SH3TC1: variants seen among roughly 807,000 people sequenced by gnomAD.
The protein encoded by SH3TC1 is SH3 domain and tetratricopeptide repeats 1.
In SH3TC1, 135 loss-of-function variants were observed where a neutral mutation model predicts 117.3. The ratio of observed to expected loss-of-function variants is 1.15; its 90% CI spans 1.00 to 1.33. The LOEUF is 1.33. Among genes scored for constraint, SH3TC1 ranks in the 40% most tolerant of loss-of-function variants. SH3TC1 has a pLI of 0.00. For missense variants in SH3TC1, 2,092 were observed against 1,794.3 expected (o/e 1.17, Z -3.00); for synonymous variants, 898 against 816.9 (o/e 1.10, Z -1.69).
upstream of SH3TC1, among the ~76,000 whole-genome samples, chr4:8,198,899 G>T (rs1717655706): frequency 6.6e-6 from 1 of 152,230 alleles, no homozygotes; most frequent in African/African-American, 2.4e-5. Context: ...GTGTCTGCAT[G>T]CACATGCGTG....
chr4:8,233,196 T>G, intron 13 of SH3TC1, 167 bp from the exon 14 acceptor site: 1 of 1,405,882 alleles, frequency 7.1e-7, no homozygotes, highest in Non-Finnish European at 9.2e-7. Flanking sequence ...TTGCCGTGTG[T>G]GTTCAACCCC....
chr4:8,183,737 A>G lies in SH3TC1; in HGVS notation c.-57+1527A>G, dbSNP rs1480690942. On this transcript the variant is annotated intron_variant, in intron 1 of 16. Coordinates refer to the SH3TC1 transcript ENST00000508641. This position sits in a 1 kb window ranked among gnomAD's most constrained non-coding sequence, Gnocchi z 5.4. The stretch of plus-strand genomic sequence containing the variant: ...CTCACCTTGGTATGGTACATTTGTC[A>G]TAACTAATGAGCCAATACCACCAAT... 2.0e-5 allele frequency among the ~76,000 whole-genome samples: 3 copies of G among 152,172 alleles called. No individual in the cohort carries two copies. The highest frequency in any genetic ancestry group is 2.1e-4 in the South Asian group (1 of 4,832).
intron 17 of SH3TC1, among the ~76,000 whole-genome samples, chr4:8,238,866 C>G (rs1722066416): frequency 6.6e-6 from 1 of 152,148 alleles, no homozygotes; most frequent in Non-Finnish European, 1.5e-5. Context: ...TGGCTGGGGT[C>G]AAGGGGCACA....
chr4:8,193,136 C>T (rs976138594), intron 1 of SH3TC1, among the ~76,000 whole-genome samples: 4 of 152,228 alleles, frequency 2.6e-5, no homozygotes, highest in Admixed American at 2.0e-4. Context: ...AAGCCAAATA[C>T]GCATCCCCCG....
At position 8,183,229 on chromosome 4, in the gene SH3TC1, C is replaced by T. The variant is rs930550093; in HGVS notation, c.-57+1019C>T. On this transcript the variant is annotated intron_variant, in intron 1 of 16. Coordinates refer to the SH3TC1 transcript ENST00000508641. This position sits in a 1 kb window ranked among gnomAD's most constrained non-coding sequence, Gnocchi z 5.4. Reference sequence around the variant, plus strand: ...GAGTTCTGTTCACTACGAAGGAGCCCGTCCTCATCCTCCCCCTCGTTTACA... The same window carrying T: ...GAGTTCTGTTCACTACGAAGGAGCCTGTCCTCATCCTCCCCCTCGTTTACA... Among the ~76,000 whole-genome samples the T allele has an allele frequency of 5.9e-4, 90 of 152,224 alleles. No individual in the cohort carries two copies. The highest frequency in any genetic ancestry group is 2.1e-3 in the African/African-American group (88 of 41,450).
chr4:8,182,104 G>T (rs920074016), exon 1 of SH3TC1: 5 of 152,432 alleles, frequency 3.3e-5, no homozygotes, highest in Non-Finnish European at 5.9e-5. Flanking sequence ...CCTGGACAGG[G>T]TGCTGGGCTG....
Position 8,241,090 on chromosome 4 carries a change from T to A in SH3TC1, c.*135T>A. 1.5e-6 allele frequency: 2 copies of A among 1,297,150 alleles called. No homozygotes were observed. Among genetic ancestry groups the A allele is most frequent in the Non-Finnish European group, 2.1e-6 (2 of 969,230 alleles). The allele number at this position is 1,297,150 out of a possible 1,614,324, so 80.4% of individuals were successfully genotyped here. A position where few individuals can be genotyped will look rare whatever the true frequency, so the allele number is the denominator to read the frequency against. On this transcript the variant is annotated 3_prime_UTR_variant, in exon 18 of 18. Coordinates refer to ENST00000245105, the MANE Select transcript of SH3TC1 (RefSeq NM_018986.5). ...AAATAGCAATAAATGGGTTTTGTTT[T>A]TTTTTTGCAATAACTTATTGAAGTC... is the stretch of plus-strand genomic sequence containing the variant.
intron 9 of SH3TC1, among the ~76,000 whole-genome samples, chr4:8,222,118 C>G (rs1719974148): frequency 1.3e-5 from 2 of 152,078 alleles, no homozygotes; most frequent in South Asian, 4.1e-4. Context: ...GTTGGGCACT[C>G]TGGGGAGCAC....
At chr4:8,231,662 G>C (rs1024721981) in intron 12 of SH3TC1, 1 of 385,482 alleles carries the variant, frequency 2.6e-6, no homozygotes, top group Admixed American at 4.3e-5. Context: ...TTGTGTCCCT[G>C]GCCTCGTCAG....
At chr4:8,231,861 G>A in intron 12 of SH3TC1, 115 bp from the exon 13 acceptor site, 3 of 1,253,398 alleles carry the variant, frequency 2.4e-6, no homozygotes, top group South Asian at 2.8e-5. Flanking sequence ...CCCGCCTGTG[G>A]GGCCCAGGCT....
intron 6 of SH3TC1, 145 bp downstream of exon 6, chr4:8,216,402 G>A (rs1719278319): frequency 1.5e-6 from 2 of 1,292,350 alleles, no homozygotes; most frequent in Non-Finnish European, 1.0e-6. Context: ...GCTTCAGGCA[G>A]GGAGGTGTGC....
chr4:8,222,728 A>G (rs1720056722), intron 9 of SH3TC1, 112 bp from the exon 10 acceptor site: 1 of 1,345,084 alleles, frequency 7.4e-7, no homozygotes, highest in African/African-American at 1.4e-5. Context: ...CTGGGCAGAG[A>G]GTAGTGCTCC....
chr4:8,194,115 T>C (rs1446653086), intron 1 of SH3TC1, among the ~76,000 whole-genome samples: 1 of 152,078 alleles, frequency 6.6e-6, no homozygotes, highest in East Asian at 1.9e-4. Context: ...GCACTCAGGG[T>C]GTGCCTCCGA....
rs187138305 is a variant in SH3TC1, at chr4:8,200,720, G to A, written c.-29+1315G>A. 1.9e-3 allele frequency among the ~76,000 whole-genome samples: 283 copies of A among 152,360 alleles called. 1 individual carries two copies. Among genetic ancestry groups the A allele is most frequent in the African/African-American group, 6.5e-3 (269 of 41,582 alleles). ...GGTCGTGTTCTCTCGCGGCTCTGGA[G>A]GTCGGAATTCCGAACTCAAGGCGTC... On this transcript the variant is annotated intron_variant, in intron 1 of 17. Coordinates refer to ENST00000245105, the MANE Select transcript of SH3TC1 (RefSeq NM_018986.5).
Position 8,216,204 on chromosome 4 carries a change from A to G in SH3TC1, c.575A>G (p.His192Arg). The G allele has an allele frequency of 6.2e-7, 1 of 1,613,864 alleles. No individual in the cohort carries two copies. Reference sequence around the variant, plus strand: ...GAGGAGGAGACGGCCATCCAAGTCCATGTGGATGAGAACGCCTTAAGGCTG... The same window carrying G: ...GAGGAGGAGACGGCCATCCAAGTCCGTGTGGATGAGAACGCCTTAAGGCTG... ...SEEEETAIQVHVDENALRLTH... is the reference protein window; with the variant it reads ...SEEEETAIQVRVDENALRLTH... The change falls in exon 6 of 18, where the codon CAT becomes CGT. Residue 192 changes from histidine to arginine, a missense_variant. Physicochemically the swap from His to Arg is conservative, Grantham distance 29. Transcript: ENST00000245105.
intron 8 of SH3TC1, 128 bp downstream of exon 8, chr4:8,218,475 T>C (rs1369101990): frequency 1.6e-6 from 1 of 612,548 alleles, no homozygotes. Flanking sequence ...GCAAGAGTAA[T>C]TGTGGTTTTT....
intron 17 of SH3TC1, 106 bp from the exon 18 acceptor site, chr4:8,240,592 T>C (rs1578765612): frequency 1.3e-6 from 2 of 1,543,192 alleles, no homozygotes; most frequent in Non-Finnish European, 1.8e-6. Context: ...GCTCATGGGG[T>C]GAGCCAGCAT....
chr4:8,217,382 C>T (rs574834861), intron 7 of SH3TC1, among the ~76,000 whole-genome samples: 1 of 152,384 alleles, frequency 6.6e-6, no homozygotes, highest in East Asian at 1.9e-4. Context: ...AGGCCAATGA[C>T]ATCCACTTGG....
chr4:8,197,201 C>T (rs78981465), upstream of SH3TC1, among the ~76,000 whole-genome samples: 1,368 of 152,166 alleles, frequency 9.0e-3, 18 homozygotes, highest in African/African-American at 0.031. Flanking sequence ...CACCTCTAGC[C>T]GGAGCATACC....
Sources: allele counts gnomAD v4.1 joint callset (sites outside exome capture counted in the v4.1 genomes callset), GRCh38; gene constraint gnomAD v4.1.1; non-coding constraint Gnocchi (gnomAD v3.1); transcripts MANE v1.5; gene names NCBI Gene and HGNC (gene_info 2026-07-23, HGNC 2026-07-21).